YWHAE: variants seen among roughly 807,000 people sequenced by gnomAD.
YWHAE encodes 14-3-3 protein epsilon.
In YWHAE, 4 loss-of-function variants were observed where a neutral mutation model predicts 30.1. The observed-to-expected ratio is 0.13, with a 90% CI of 0.07 to 0.30. YWHAE has a LOEUF of 0.30. Ranked by LOEUF, YWHAE falls within the 10% of genes least tolerant of loss-of-function variation. The pLI is 1.00. For synonymous variants in YWHAE, 118 were observed against 111.8 expected (o/e 1.06, Z -0.35); for missense variants, 121 against 315.9 (o/e 0.38, Z 4.68).
At chr17:1,365,672 C>G (rs775390280) in intron 1 of YWHAE, among the ~76,000 whole-genome samples, 2 of 152,186 alleles carry the variant, frequency 1.3e-5, no homozygotes, top group Non-Finnish European at 2.9e-5. Context: ...TAGGGAAACA[C>G]AACGGCGTGT....
At chr17:1,359,144 GAAAAAAGAAAAA>G (rs1323648335) in intron 4 of YWHAE, among the ~76,000 whole-genome samples, 1 of 147,974 alleles carries the variant, frequency 6.8e-6, no homozygotes, top group Non-Finnish European at 1.5e-5. Flanking sequence ...TCAAAAAAAA[GAAAAAAGAAAAA>G]AAAAAGGAAA....
intron 1 of YWHAE, among the ~76,000 whole-genome samples, chr17:1,390,223 A>G (rs1194730438): frequency 6.6e-6 from 1 of 152,216 alleles, no homozygotes; most frequent in African/African-American, 2.4e-5. Context: ...GTCTCTTATT[A>G]ATCTAAAATT....
chr17:1,350,468 G>C (rs2072610609), intron 5 of YWHAE, among the ~76,000 whole-genome samples: 1 of 151,938 alleles, frequency 6.6e-6, no homozygotes, highest in South Asian at 2.1e-4. Context: ...TTGAGACAGA[G>C]TTTTGCTCTT....
rs1235241910 is a variant in YWHAE, at chr17:1,364,970, A to G, written c.153T>C (p.Asn51=). 4.3e-6 allele frequency: 7 copies of G among 1,613,988 alleles called. No homozygotes were observed. The highest frequency in any genetic ancestry group is 5.9e-6 in the Non-Finnish European group (7 of 1,180,020). ...ERNLLSVAYK[N]VIGARRASWR... Reference sequence around the variant, plus strand: ...AGGAGGCTCTTCTAGCTCCAATCACATTCTTATATGCAACAGATAGGAGGT... The same window carrying G: ...AGGAGGCTCTTCTAGCTCCAATCACGTTCTTATATGCAACAGATAGGAGGT... The change falls in exon 2 of 6, where the codon AAT becomes AAC. Residue 51 remains asparagine (N), a synonymous_variant. Coordinates refer to ENST00000264335, the MANE Select transcript of YWHAE (RefSeq NM_006761.5).
At chr17:1,379,193 A>C (rs371913633) in intron 1 of YWHAE, among the ~76,000 whole-genome samples, 2 of 152,186 alleles carry the variant, frequency 1.3e-5, no homozygotes, top group South Asian at 4.1e-4. Flanking sequence ...TGGGATGTTA[A>C]GACACACTTC....
intron 1 of YWHAE, among the ~76,000 whole-genome samples, chr17:1,397,824 C>T (rs2073497510): frequency 6.6e-6 from 1 of 152,148 alleles, no homozygotes; most frequent in Admixed American, 6.6e-5. Flanking sequence ...GAGTCCCTAC[C>T]TTATGCCCCA....
At chr17:1,381,925 A>C (rs1368089325) in intron 1 of YWHAE, among the ~76,000 whole-genome samples, 3 of 151,684 alleles carry the variant, frequency 2.0e-5, no homozygotes, top group Non-Finnish European at 2.9e-5. Context: ...AAAAAAAAAA[A>C]AAAAAAAAGA....
At chr17:1,375,846 A>G (rs565670739) in intron 1 of YWHAE, among the ~76,000 whole-genome samples, 1 of 152,278 alleles carries the variant, frequency 6.6e-6, no homozygotes, top group African/African-American at 2.4e-5. Flanking sequence ...GTGTTCTTTC[A>G]ACTATGTTGT....
intron 1 of YWHAE, among the ~76,000 whole-genome samples, chr17:1,377,057 G>A (rs901295631): frequency 6.6e-6 from 1 of 151,826 alleles, no homozygotes; most frequent in Non-Finnish European, 1.5e-5. Flanking sequence ...AGGACTACAG[G>A]TGCCCGCCAA....
rs66640731 is a variant in YWHAE at position 1,398,342 on chromosome 17, C to CCCG, written c.64+1704_64+1705insCGG. 3.7e-4 allele frequency among the ~76,000 whole-genome samples: 13 copies of CCCG among 34,752 alleles called. No homozygotes were observed. The Admixed American group carries it at 4.9e-3, about 13-fold the overall frequency. 22.8% of individuals were successfully genotyped at this position (34,752 alleles called of 152,430 possible). ...TGTACTTCCCCATCTTATCCCCCCC[C>CCCG]CCAACAGGAACCTTGTTGAATACAA... is the stretch of plus-strand genomic sequence containing the variant. On this transcript the variant is annotated intron_variant, in intron 1 of 5. Transcript: ENST00000264335.
rs866081291 is a variant in YWHAE at position 1,356,171 on chromosome 17, A to C, written c.579-1824T>G. Among the ~76,000 whole-genome samples, 166 of 143,094 alleles carry C rather than the reference A, an allele frequency of 1.2e-3. 1 individual carries two copies. Among genetic ancestry groups the C allele is most frequent in the African/African-American group, 4.0e-3 (157 of 39,208 alleles). The allele number at this position is 143,094 out of a possible 152,430, so 93.9% of individuals were successfully genotyped here. On this transcript the variant is annotated intron_variant, in intron 4 of 5. Coordinates refer to ENST00000264335, the MANE Select transcript of YWHAE (RefSeq NM_006761.5). ...GCAACAGAGCAAGACTCCGTCTAAA[A>C]ACACACACACACACACACACACACA...
chr17:1,383,523 G>C (rs1001364972), intron 1 of YWHAE, among the ~76,000 whole-genome samples: 9 of 150,736 alleles, frequency 6.0e-5, no homozygotes, highest in Non-Finnish European at 8.9e-5. Context: ...CCAGAAGATG[G>C]GATTACAGGC....
intron 1 of YWHAE, among the ~76,000 whole-genome samples, chr17:1,367,352 C>A (rs1303097845): frequency 1.3e-5 from 2 of 152,126 alleles, no homozygotes; most frequent in African/African-American, 4.8e-5. Context: ...TCTGTAATCC[C>A]AGCATTTGGG....
chr17:1,392,774 C>A (rs1463868438), intron 1 of YWHAE, among the ~76,000 whole-genome samples: 1 of 151,670 alleles, frequency 6.6e-6, no homozygotes, highest in Admixed American at 6.6e-5. Flanking sequence ...CACTTGAGCC[C>A]AGGAGGCGGA....
rs1478864244 is a variant in YWHAE, at chr17:1,400,110, T to TAGCGGC, written c.-6_-1dup. ...TACACCAGATCCTCTCGATCATCCA[T>TAGCGGC]AGCGGCAGCGGCTCCGGCAGGGTCT... On this transcript the variant is annotated 5_prime_UTR_variant, in exon 1 of 6. Coordinates refer to ENST00000264335, the MANE Select transcript of YWHAE (RefSeq NM_006761.5). 6 of 1,611,516 alleles carry TAGCGGC rather than the reference T, an allele frequency of 3.7e-6. No homozygotes were observed. Among genetic ancestry groups the TAGCGGC allele is most frequent in the Non-Finnish European group, 5.1e-6 (6 of 1,178,478 alleles).
chr17:1,372,883 G>A (rs1279165906), intron 1 of YWHAE, among the ~76,000 whole-genome samples: 2 of 152,034 alleles, frequency 1.3e-5, no homozygotes, highest in African/African-American at 4.8e-5. Context: ...AGCCTGGGAG[G>A]TCAAGGCTGC....
chr17:1,361,245 T>C lies in YWHAE; in HGVS notation c.425A>G (p.Lys142Arg), dbSNP rs751367563. ...LAEFATGNDRKEAAENSLVAY... is the reference protein window; with the variant it reads ...LAEFATGNDRREAAENSLVAY... ...CACTAGGCTGTTCTCCGCAGCCTCC[T>C]TCCTGTCGTTTCCTGTGGCAAATTC... Residue 142 changes from lysine to arginine, a missense_variant, in exon 4 of 6, where the codon AAG becomes AGG. Lys to Arg is a conservative substitution (Grantham distance 26). Coordinates refer to ENST00000264335, the MANE Select transcript of YWHAE (RefSeq NM_006761.5). The C allele has an allele frequency of 1.2e-6, 2 of 1,613,438 alleles. No individual in the cohort carries two copies. The highest frequency in any genetic ancestry group is 1.7e-6 in the Non-Finnish European group (2 of 1,179,792).
chr17:1,349,220 AG>A (rs1256001170), intron 5 of YWHAE, among the ~76,000 whole-genome samples: 1 of 151,770 alleles, frequency 6.6e-6, no homozygotes, highest in Non-Finnish European at 1.5e-5. Flanking sequence ...GGGCACCTGT[AG>A]TCCCAGCAAC....
intron 1 of YWHAE, among the ~76,000 whole-genome samples, chr17:1,369,366 C>T (rs138296748): frequency 1.3e-5 from 2 of 152,004 alleles, no homozygotes; most frequent in East Asian, 1.9e-4. Context: ...TGGTGGCAGG[C>T]GCCTGTAGTC....
Sources: gnomAD v4.1 joint callset for allele counts (sites outside exome capture counted in the v4.1 genomes callset) on GRCh38, gnomAD v4.1.1 for gene constraint, MANE v1.5 for transcripts, NCBI Gene and HGNC (gene_info 2026-07-23, HGNC 2026-07-21) for gene names.